The following KIAA0586 variants were observed in gnomAD, a reference collection of about 807,000 sequenced individuals.
KIAA0586 encodes KIAA0586, also known as protein TALPID3.
A neutral mutation model predicts 169.8 loss-of-function variants in KIAA0586; 144 were observed. The ratio of observed to expected loss-of-function variants is 0.85; its 90% CI spans 0.74 to 0.97. The LOEUF is 0.97. KIAA0586 is among the 50% of genes least tolerant of loss of function. The pLI is 0.00. For synonymous variants in KIAA0586, 625 were observed against 612.4 expected (o/e 1.02, Z -0.30); for missense variants, 1,854 against 1,823.0 (o/e 1.02, Z -0.31).
chr14:58,487,987 T>G lies in KIAA0586; in HGVS notation c.3405T>G (p.Asp1135Glu), dbSNP rs2042584318. Reference sequence around the variant, plus strand: ...CAGTTTTTACCCCAACTTTGTCAGATATTTCCATTGATAAATTGAAGGTAT... The same window carrying G: ...CAGTTTTTACCCCAACTTTGTCAGAGATTTCCATTGATAAATTGAAGGTAT... Reference protein sequence around the residue: ...AAAVFTPTLSDISIDKLKVSS... With the variant: ...AAAVFTPTLSEISIDKLKVSS... Residue 1135 changes from aspartate to glutamate, a missense_variant, in exon 23 of 31, where the codon GAT becomes GAG. Asp to Glu is a conservative substitution (Grantham distance 45). Transcript: ENST00000652326. 1.9e-6 allele frequency: 3 copies of G among 1,613,290 alleles called. No homozygotes were observed. The highest frequency in any genetic ancestry group is 1.6e-4 in the Middle Eastern group (1 of 6,082).
intron 29 of KIAA0586, among the ~76,000 whole-genome samples, chr14:58,538,146 A>T (rs2046416795): frequency 6.6e-6 from 1 of 151,898 alleles, no homozygotes; most frequent in Non-Finnish European, 1.5e-5. Context: ...ACAGAATGAG[A>T]CCCCATTTCT....
chr14:58,556,719 C>A, the KIAA0586 span, among the ~76,000 whole-genome samples: 1 of 152,054 alleles, frequency 6.6e-6, no homozygotes, highest in Non-Finnish European at 1.5e-5. Flanking sequence ...CTGTGATATT[C>A]ATATATATTT....
At chr14:58,487,335 A>G (rs2042526852) in intron 22 of KIAA0586, among the ~76,000 whole-genome samples, 169 bp downstream of exon 22, 1 of 152,190 alleles carries the variant, frequency 6.6e-6, no homozygotes, top group Non-Finnish European at 1.5e-5. Flanking sequence ...CCAGGCAGGC[A>G]TGGTGGCTCA....
intron 29 of KIAA0586, among the ~76,000 whole-genome samples, chr14:58,519,463 T>C (rs2045028494): frequency 6.6e-6 from 1 of 152,202 alleles, no homozygotes; most frequent in Non-Finnish European, 1.5e-5. Context: ...GGTTAACTAA[T>C]TTTCCCAAAG....
At chr14:58,492,595 C>T (rs1028745874) in intron 26 of KIAA0586, among the ~76,000 whole-genome samples, 3 of 152,186 alleles carry the variant, frequency 2.0e-5, no homozygotes, top group Non-Finnish European at 4.4e-5. Flanking sequence ...ATGACCCCTA[C>T]CTTTAAGCAG....
chr14:58,434,781 A>G (rs1480205751), intron 4 of KIAA0586, among the ~76,000 whole-genome samples: 1 of 151,872 alleles, frequency 6.6e-6, no homozygotes, highest in Non-Finnish European at 1.5e-5. Context: ...TCTGTTTTTT[A>G]TTTTGTTGAG....
At chr14:58,521,788 G>A (rs2045248195) in intron 29 of KIAA0586, 1 of 804,854 alleles carries the variant, frequency 1.2e-6, no homozygotes, top group South Asian at 1.3e-5. Flanking sequence ...GAGGAGCAGA[G>A]CAGTAGTTCC....
rs574195958 is a variant in KIAA0586, at chr14:58,548,081, T to G, written c.*149T>G. 3.1e-6 allele frequency: 3 copies of G among 953,186 alleles called. No individual in the cohort carries two copies. The highest frequency in any genetic ancestry group is 4.5e-6 in the Non-Finnish European group (3 of 661,688). 59.0% of individuals were successfully genotyped at this position (953,186 alleles called of 1,614,324 possible). ...TTAAAATAAAACAAAAAGCATAATTTGGGTATTTAAAGTTTTTAAATAAAA... is the reference window on the plus strand; with the variant it reads ...TTAAAATAAAACAAAAAGCATAATTGGGGTATTTAAAGTTTTTAAATAAAA... On this transcript the variant is annotated 3_prime_UTR_variant, in exon 31 of 31. Transcript: ENST00000652326.
intron 28 of KIAA0586, among the ~76,000 whole-genome samples, chr14:58,511,593 C>T (rs2044390402): frequency 6.6e-6 from 1 of 152,152 alleles, no homozygotes; most frequent in South Asian, 2.1e-4. Context: ...AGTCCTAGTA[C>T]CCATCTTAGA....
chr14:58,500,254 G>GT (rs1408080124), intron 27 of KIAA0586, among the ~76,000 whole-genome samples: 1 of 152,068 alleles, frequency 6.6e-6, no homozygotes, highest in Non-Finnish European at 1.5e-5. Context: ...TTTTATTTAT[G>GT]TTTCTGTTTA....
At chr14:58,556,194 C>A (rs1258808043), downstream of KIAA0586, among the ~76,000 whole-genome samples, 1 of 152,140 alleles carries the variant, frequency 6.6e-6, no homozygotes, top group Non-Finnish European at 1.5e-5. Flanking sequence ...TTCTTCTTTG[C>A]CAAAGTGCAA....
Position 58,487,892 on chromosome 14 carries a change from G to A in KIAA0586, c.3310G>A (p.Asp1104Asn). Residue 1104 changes from aspartate (D) to asparagine (N), a missense_variant, in exon 23 of 31, where the codon GAT becomes AAT. Transcript: ENST00000652326. ...VKEICAEKGD[D>N]MPAIMLVNTP... Reference sequence around the variant, plus strand: ...TTTTAAAAAAAAACCTTTAGGAGATGATATGCCTGCCATCATGCTTGTTAA... The same window carrying A: ...TTTTAAAAAAAAACCTTTAGGAGATAATATGCCTGCCATCATGCTTGTTAA... 1 of 1,609,184 alleles carries A rather than the reference G, an allele frequency of 6.2e-7. No homozygotes were observed. The highest frequency in any genetic ancestry group is 8.5e-7 in the Non-Finnish European group (1 of 1,176,624).
intron 26 of KIAA0586, among the ~76,000 whole-genome samples, chr14:58,495,304 A>ATG (rs1397232040): frequency 6.6e-6 from 1 of 151,730 alleles, no homozygotes; most frequent in Non-Finnish European, 1.5e-5. Context: ...ATATATATAT[A>ATG]TGTGTGTGAA....
intron 29 of KIAA0586, among the ~76,000 whole-genome samples, chr14:58,519,027 G>T (rs895375667): frequency 2.6e-5 from 4 of 152,208 alleles, no homozygotes; most frequent in African/African-American, 9.6e-5. Flanking sequence ...AGCTACTTGG[G>T]AGGCTGAGAC....
intron 7 of KIAA0586, among the ~76,000 whole-genome samples, chr14:58,450,129 T>C (rs2039241962): frequency 6.6e-6 from 1 of 152,184 alleles, no homozygotes; most frequent in Non-Finnish European, 1.5e-5. Context: ...TCAGGCAGTT[T>C]TTAGGTTTTC....
At chr14:58,461,546 C>T (rs2040322059) in intron 14 of KIAA0586, among the ~76,000 whole-genome samples, 1 of 152,012 alleles carries the variant, frequency 6.6e-6, no homozygotes, top group East Asian at 1.9e-4. Flanking sequence ...GTGATCCTCC[C>T]CTCTCAGCCT....
chr14:58,541,544 G>A (rs867207114), intron 30 of KIAA0586, among the ~76,000 whole-genome samples: 1 of 152,084 alleles, frequency 6.6e-6, no homozygotes, highest in Non-Finnish European at 1.5e-5. Flanking sequence ...TAACAGGAGA[G>A]GAACTAATAT....
intron 18 of KIAA0586, among the ~76,000 whole-genome samples, chr14:58,474,296 T>TA (rs762801499): frequency 3.9e-5 from 6 of 152,198 alleles, no homozygotes; most frequent in Admixed American, 1.3e-4. Flanking sequence ...CGATAATTAT[T>TA]AAGCATACAT....
Position 58,444,002 on chromosome 14 carries a change from A to G in KIAA0586, c.634A>G (p.Ser212Gly), listed in dbSNP as rs1473049634. The G allele has an allele frequency of 1.2e-6, 2 of 1,611,240 alleles. No homozygotes were observed. The highest frequency in any genetic ancestry group is 1.7e-6 in the Non-Finnish European group (2 of 1,178,396). Residue 212 changes from serine (S) to glycine (G), a missense_variant, in exon 6 of 31, where the codon AGT becomes GGT. Physicochemically the swap from Ser to Gly is moderately conservative, Grantham distance 56. Transcript: ENST00000652326. ...AGTCAATTCTGTTACAGAATTACTT[A>G]GTAAATTACAGGAGACTGATAAACA... ...AKVNSVTELL[S>G]KLQETDKHLQ...
Sources: allele counts gnomAD v4.1 joint callset (sites outside exome capture counted in the v4.1 genomes callset), GRCh38; gene constraint gnomAD v4.1.1; transcripts MANE v1.5; gene names NCBI Gene and HGNC (gene_info 2026-07-23, HGNC 2026-07-21).